The following ELMO1 variants were observed in gnomAD, a reference collection of about 807,000 sequenced individuals.
ELMO1 encodes the protein engulfment and cell motility protein 1.
Under a neutral mutation model 98.9 loss-of-function variants are expected in ELMO1, and 26 were observed. The ratio of observed to expected loss-of-function variants is 0.26; its 90% CI spans 0.19 to 0.36. ELMO1 has a LOEUF of 0.36. Ranked by LOEUF, ELMO1 falls within the 10% of genes least tolerant of loss-of-function variation. ELMO1 has a pLI of 1.00. For missense variants in ELMO1, 627 were observed against 935.2 expected (o/e 0.67, Z 4.30); for synonymous variants, 346 against 346.0 (o/e 1.00, Z 0.00).
At chr7:36,908,967 C>T (rs957706657) in intron 16 of ELMO1, among the ~76,000 whole-genome samples, 1 of 152,130 alleles carries the variant, frequency 6.6e-6, no homozygotes, top group Admixed American at 6.5e-5. Context: ...CAAATAGGGA[C>T]TATCCTTTTT....
At chr7:37,118,415 T>C (rs770163548) in intron 14 of ELMO1, among the ~76,000 whole-genome samples, 5 of 152,222 alleles carry the variant, frequency 3.3e-5, no homozygotes, top group Admixed American at 6.5e-5. Context: ...AAACATGCCT[T>C]TTCCTTTTCT....
At chr7:37,093,017 C>A (rs1784202116) in intron 15 of ELMO1, among the ~76,000 whole-genome samples, 1 of 151,558 alleles carries the variant, frequency 6.6e-6, no homozygotes, top group Admixed American at 6.6e-5. Context: ...AACATAGATG[C>A]CATTGCTCTT....
chr7:37,211,611 AT>A, intron 12 of ELMO1, 94 bp from the exon 13 acceptor site: 1 of 1,481,084 alleles, frequency 6.8e-7, no homozygotes, highest in Admixed American at 2.1e-5. Flanking sequence ...TGGGGTCTAA[AT>A]GAATCACTGC....
At chr7:36,858,768 G>A (rs528210408) in intron 21 of ELMO1, among the ~76,000 whole-genome samples, 37 of 152,268 alleles carry the variant, frequency 2.4e-4, no homozygotes, top group Admixed American at 2.4e-3. Context: ...CCATTGCAAT[G>A]GATGGAGGCC....
intron 16 of ELMO1, among the ~76,000 whole-genome samples, chr7:36,914,486 G>A (rs924780656): frequency 5.9e-5 from 9 of 151,452 alleles, no homozygotes; most frequent in African/African-American, 1.9e-4. Context: ...TTTGTACAAC[G>A]TAAGGTACTA....
At chr7:37,172,079 T>A (rs1023952031) in intron 13 of ELMO1, among the ~76,000 whole-genome samples, 1 of 152,206 alleles carries the variant, frequency 6.6e-6, no homozygotes, top group Non-Finnish European at 1.5e-5. Flanking sequence ...AGCTAGGAGT[T>A]ATCAGAGCCT....
intron 15 of ELMO1, among the ~76,000 whole-genome samples, chr7:37,025,562 T>C (rs1357761028): frequency 6.6e-6 from 1 of 152,110 alleles, no homozygotes; most frequent in Non-Finnish European, 1.5e-5. Context: ...AACAAAAAGG[T>C]GGAGGAAAGA....
At chr7:37,080,668 G>C (rs917431223) in intron 15 of ELMO1, among the ~76,000 whole-genome samples, 3 of 145,368 alleles carry the variant, frequency 2.1e-5, no homozygotes, top group Admixed American at 1.4e-4. Context: ...GGCCAGGCTG[G>C]TCTTGAACTT....
rs1802536885 is a variant in ELMO1 at position 36,860,446 on chromosome 7, A to G, written c.1983+1213T>C. Among the ~76,000 whole-genome samples the G allele has an allele frequency of 2.6e-5, 4 of 152,364 alleles. 1 individual carries two copies. Among genetic ancestry groups the G allele is most frequent in the Admixed American group, 2.6e-4 (4 of 15,310 alleles). On this transcript the variant is annotated intron_variant, in intron 21 of 21. Coordinates refer to ENST00000310758, the MANE Select transcript of ELMO1 (RefSeq NM_014800.11). ...GAAGGAAAGTGGTCTGAAGTAATTAAAAGTGTTCACAAGCATATGGCATTT... is the reference window on the plus strand; with the variant it reads ...GAAGGAAAGTGGTCTGAAGTAATTAGAAGTGTTCACAAGCATATGGCATTT...
intron 5 of ELMO1, among the ~76,000 whole-genome samples, chr7:37,263,233 T>C (rs1796068108): frequency 6.6e-6 from 1 of 151,236 alleles, no homozygotes; most frequent in Admixed American, 6.6e-5. Flanking sequence ...ATATCAGTTA[T>C]TGCAGATCAC....
chr7:37,043,713 T>C (rs767437904), intron 15 of ELMO1, among the ~76,000 whole-genome samples: 5 of 151,948 alleles, frequency 3.3e-5, no homozygotes, highest in Non-Finnish European at 7.4e-5. Flanking sequence ...AGGTTCCCGG[T>C]GAATCTAATG....
chr7:37,262,868 T>C (rs533437033), intron 5 of ELMO1, among the ~76,000 whole-genome samples: 40 of 152,272 alleles, frequency 2.6e-4, no homozygotes, highest in Admixed American at 2.2e-3. Context: ...TCCCCATCAG[T>C]AGGTACACCA....
intron 19 of ELMO1, among the ~76,000 whole-genome samples, chr7:36,872,351 A>G (rs1803594812): frequency 6.6e-6 from 1 of 152,204 alleles, no homozygotes; most frequent in Non-Finnish European, 1.5e-5. Context: ...GACATGGTGC[A>G]CACTGGTCTG....
At chr7:36,860,336 T>C (rs1348772302) in intron 21 of ELMO1, among the ~76,000 whole-genome samples, 2 of 152,200 alleles carry the variant, frequency 1.3e-5, no homozygotes, top group East Asian at 1.9e-4. Context: ...CTGGGAGGTC[T>C]CTCCGTGCTC....
chr7:37,278,113 CTTTTTTTTTT>C (rs36110041), intron 4 of ELMO1, among the ~76,000 whole-genome samples: 2 of 85,608 alleles, frequency 2.3e-5, no homozygotes, highest in African/African-American at 4.7e-5. Context: ...ATAGCTTTTC[CTTTTTTTTTT>C]TTTTTTTTTT....
At chr7:36,897,509 A>G (rs1379470872) in intron 16 of ELMO1, among the ~76,000 whole-genome samples, 4 of 152,058 alleles carry the variant, frequency 2.6e-5, no homozygotes, top group African/African-American at 9.7e-5. Flanking sequence ...ACAAATACAT[A>G]TGGTGAAGTC....
At chr7:37,311,401 T>C (rs1798880434) in intron 4 of ELMO1, among the ~76,000 whole-genome samples, 2 of 151,858 alleles carry the variant, frequency 1.3e-5, no homozygotes, top group South Asian at 4.1e-4. Flanking sequence ...CAGTCTCATA[T>C]ATAAGGGAAA....
intron 1 of ELMO1, among the ~76,000 whole-genome samples, chr7:37,359,280 A>G (rs2700978): frequency 0.93 from 141,839 of 152,310 alleles, 66,151 homozygotes; most frequent in Non-Finnish European, 0.96. Flanking sequence ...AGGCAGCAGA[A>G]TACAGCAGTT....
chr7:36,902,381 G>A (rs1783638659), intron 16 of ELMO1, among the ~76,000 whole-genome samples: 1 of 152,198 alleles, frequency 6.6e-6, no homozygotes, highest in East Asian at 1.9e-4. Context: ...AAGCTCCTGT[G>A]AGCATCTGTC....
Sources: allele counts gnomAD v4.1 joint callset (sites outside exome capture counted in the v4.1 genomes callset), GRCh38; gene constraint gnomAD v4.1.1; transcripts MANE v1.5; gene names NCBI Gene and HGNC (gene_info 2026-07-23, HGNC 2026-07-21).